The following CPQ variants were observed in gnomAD, a reference collection of about 807,000 sequenced individuals.
CPQ encodes Ser-Met dipeptidase.
CPQ carries 37 observed loss-of-function variants against 45.7 expected under a neutral mutation model. The ratio of observed to expected loss-of-function variants is 0.81; its 90% CI spans 0.62 to 1.07. The LOEUF is 1.07. Among genes scored for constraint, CPQ ranks in the 50% least tolerant of loss-of-function variants. The probability of loss-of-function intolerance (pLI) is 0.00; values close to 1 mark genes in which losing one functional copy is unlikely to be tolerated. For missense variants in CPQ, 537 were observed against 572.9 expected, an observed-to-expected ratio of 0.94 and a Z score of 0.64; for synonymous variants, 186 against 205.8, an observed-to-expected ratio of 0.90 and a Z score of 0.82.
At chr8:96,837,532 T>G (rs1357107462) in intron 3 of CPQ, among the ~76,000 whole-genome samples, 2 of 152,160 alleles carry the variant, frequency 1.3e-5, no homozygotes, top group African/African-American at 4.8e-5. Context: ...TCTCACTCTC[T>G]TCTCTATTCC....
chr8:96,736,412 T>C (rs760281743), intron 1 of CPQ, among the ~76,000 whole-genome samples: 3 of 152,216 alleles, frequency 2.0e-5, no homozygotes, highest in East Asian at 3.9e-4. Context: ...TATTTCTTTC[T>C]ATAAAATCCA....
intron 4 of CPQ, among the ~76,000 whole-genome samples, chr8:96,883,363 T>G (rs1402009157): frequency 6.6e-6 from 1 of 152,164 alleles, no homozygotes; most frequent in Non-Finnish European, 1.5e-5. Flanking sequence ...CACTCTGTAT[T>G]TTGTCGGGGT....
At chr8:96,682,491 T>C (rs1809165097) in intron 1 of CPQ, among the ~76,000 whole-genome samples, 1 of 152,252 alleles carries the variant, frequency 6.6e-6, no homozygotes. Context: ...CATCTTTCTT[T>C]TGTAAGTTGC....
At chr8:97,094,756 A>AATATAT (rs35476502) in intron 7 of CPQ, among the ~76,000 whole-genome samples, 6 of 150,978 alleles carry the variant, frequency 4.0e-5, no homozygotes, top group African/African-American at 1.5e-4. Flanking sequence ...TCGCCATTAA[A>AATATAT]ATATATATAT....
At chr8:96,791,492 C>G (rs1048378394) in intron 2 of CPQ, among the ~76,000 whole-genome samples, 3 of 152,164 alleles carry the variant, frequency 2.0e-5, no homozygotes, top group Non-Finnish European at 2.9e-5. Context: ...AGCCAAGTTA[C>G]TGATTGCTCC....
intron 5 of CPQ, among the ~76,000 whole-genome samples, chr8:97,013,629 A>C (rs2130443133): frequency 6.6e-6 from 1 of 152,324 alleles, no homozygotes; most frequent in East Asian, 1.9e-4. Context: ...GAAAGGACAA[A>C]CCAGATGGCA....
intron 5 of CPQ, among the ~76,000 whole-genome samples, chr8:96,975,909 T>C (rs1270371835): frequency 6.6e-6 from 1 of 152,062 alleles, no homozygotes; most frequent in Non-Finnish European, 1.5e-5. Flanking sequence ...GTTGAAAGCA[T>C]TCCCCCTGAG....
At chr8:97,052,031 C>A (rs1022818801) in intron 6 of CPQ, among the ~76,000 whole-genome samples, 2 of 152,160 alleles carry the variant, frequency 1.3e-5, no homozygotes, top group Non-Finnish European at 2.9e-5. Flanking sequence ...ATTCAACCCT[C>A]CTTGAGGATT....
At chr8:96,817,227 G>A (rs1451395305) in intron 2 of CPQ, among the ~76,000 whole-genome samples, 3 of 152,068 alleles carry the variant, frequency 2.0e-5, no homozygotes, top group Non-Finnish European at 4.4e-5. Flanking sequence ...TTCTACATTA[G>A]CACTTGCTGC....
chr8:97,019,091 A>G (rs931716702), intron 5 of CPQ, among the ~76,000 whole-genome samples: 1 of 152,192 alleles, frequency 6.6e-6, no homozygotes, highest in African/African-American at 2.4e-5. Context: ...CCCCCTCAAA[A>G]CATTTTATCA....
At chr8:97,108,372 T>C (rs578232433) in intron 7 of CPQ, among the ~76,000 whole-genome samples, 20 of 152,346 alleles carry the variant, frequency 1.3e-4, no homozygotes, top group Admixed American at 9.1e-4. Flanking sequence ...TTTAGGAGTC[T>C]GGGGGTTCCC....
intron 5 of CPQ, among the ~76,000 whole-genome samples, chr8:96,987,328 G>A (rs1161789431): frequency 3.3e-5 from 5 of 152,164 alleles, no homozygotes; most frequent in African/African-American, 1.2e-4. Context: ...ACAGGAAAGT[G>A]AGAGGGCCAG....
intron 7 of CPQ, among the ~76,000 whole-genome samples, chr8:97,089,165 C>T (rs1353572229): frequency 2.0e-5 from 3 of 151,492 alleles, no homozygotes; most frequent in Non-Finnish European, 4.4e-5. Flanking sequence ...ATCACCTGAA[C>T]CCGGGAGGCG....
chr8:96,943,031 A>G (rs932536976), intron 4 of CPQ, among the ~76,000 whole-genome samples: 3 of 152,112 alleles, frequency 2.0e-5, no homozygotes, highest in African/African-American at 7.2e-5. Flanking sequence ...CTTACTAGAG[A>G]TCTGGCTTTC....
chr8:96,819,825 T>A (rs1248089680), intron 2 of CPQ, among the ~76,000 whole-genome samples: 29 of 152,018 alleles, frequency 1.9e-4, no homozygotes, highest in Admixed American at 1.9e-3. Flanking sequence ...TTCAGGATCA[T>A]ACCGGAAAGC....
intron 1 of CPQ, among the ~76,000 whole-genome samples, chr8:96,713,728 T>C (rs1809642681): frequency 6.6e-6 from 1 of 152,202 alleles, no homozygotes; most frequent in African/African-American, 2.4e-5. Context: ...AGCCAAACCA[T>C]ACCAAGGTCC....
rs370423412 is a variant in CPQ, at chr8:96,829,266, C to G, written c.434-5707C>G. Among the ~76,000 whole-genome samples the G allele has an allele frequency of 5.3e-5, 8 of 152,198 alleles. No individual in the cohort carries two copies. In the East Asian group the frequency reaches 1.2e-3, roughly 22 times the overall value. On this transcript the variant is annotated intron_variant, in intron 2 of 7. Transcript: ENST00000220763. ...ATGCAGTGGGGTCTGGGCTCTCTCA[C>G]AAGGCCAACAGAGCAGGTCTAATTT... is the stretch of plus-strand genomic sequence containing the variant.
chr8:97,055,576 A>T (rs778142083), intron 6 of CPQ: 9 of 152,190 alleles, frequency 5.9e-5, no homozygotes, highest in Non-Finnish European at 1.2e-4. Flanking sequence ...CTACTGCAGT[A>T]CTCCACGTGA....
intron 2 of CPQ, among the ~76,000 whole-genome samples, chr8:96,804,742 C>G (rs542426071): frequency 9.2e-5 from 14 of 151,480 alleles, no homozygotes; most frequent in Non-Finnish European, 1.6e-4. Context: ...CTATGTCAGT[C>G]TTACTATGAT....
Sources: allele counts gnomAD v4.1 joint callset (sites outside exome capture counted in the v4.1 genomes callset), GRCh38; gene constraint gnomAD v4.1.1; transcripts MANE v1.5; gene names NCBI Gene and HGNC (gene_info 2026-07-23, HGNC 2026-07-21).